C16orf96: variants seen among roughly 807,000 people sequenced by gnomAD.
The protein encoded by C16orf96 is uncharacterized protein C16orf96.
A neutral mutation model predicts 103.6 loss-of-function variants in C16orf96; 108 were observed. The ratio of observed to expected loss-of-function variants is 1.04; its 90% CI spans 0.89 to 1.22. C16orf96 has a LOEUF of 1.22. C16orf96 is among the 50% of genes most tolerant of loss of function. The probability of loss-of-function intolerance (pLI) is 0.00; values close to 1 mark genes in which losing one functional copy is unlikely to be tolerated. For synonymous variants in C16orf96, 566 were observed against 593.5 expected, an observed-to-expected ratio of 0.95 and a Z score of 0.67; for missense variants, 1,586 against 1,464.2, an observed-to-expected ratio of 1.08 and a Z score of -1.36.
At chr16:4,575,137 G>A (rs1171188311) in intron 4 of C16orf96, 37 bp from the exon 5 acceptor site, 3 of 1,545,978 alleles carry the variant, frequency 1.9e-6, no homozygotes, top group Admixed American at 2.0e-5. Context: ...AGGCGGGGCT[G>A]GAAGCCAGCA....
At chr16:4,578,822 A>C in intron 5 of C16orf96, 118 bp from the exon 6 acceptor site, 1 of 568,462 alleles carries the variant, frequency 1.8e-6, no homozygotes, top group Admixed American at 3.1e-5. Context: ...TGCGAGGCCC[A>C]GTGCATTTCC....
intron 7 of C16orf96, among the ~76,000 whole-genome samples, chr16:4,582,513 G>A (rs901921026): frequency 6.6e-6 from 1 of 152,092 alleles, no homozygotes; most frequent in African/African-American, 2.4e-5. Flanking sequence ...ACTCATTAAA[G>A]GGGAACCAAT....
At chr16:4,581,562 G>A (rs1370181008) in intron 7 of C16orf96, among the ~76,000 whole-genome samples, 1 of 151,912 alleles carries the variant, frequency 6.6e-6, no homozygotes, top group Admixed American at 6.6e-5. Context: ...GAACCTGGGA[G>A]GCAGAGCTTG....
At chr16:4,558,566 C>G (rs1345172759) in intron 1 of C16orf96, among the ~76,000 whole-genome samples, 1 of 151,962 alleles carries the variant, frequency 6.6e-6, no homozygotes, top group Non-Finnish European at 1.5e-5. Context: ...GAGTTGTAGT[C>G]ACTCTCCTGA....
intron 8 of C16orf96, among the ~76,000 whole-genome samples, 155 bp from the exon 9 acceptor site, chr16:4,588,012 T>A (rs924451232): frequency 1.3e-5 from 2 of 152,170 alleles, no homozygotes; most frequent in African/African-American, 4.8e-5. Context: ...CGAGATCGTG[T>A]TTGAATCCAC....
chr16:4,549,101 A>G, the C16orf96 span, among the ~76,000 whole-genome samples: 4 of 152,086 alleles, frequency 2.6e-5, no homozygotes, highest in Non-Finnish European at 5.9e-5. Context: ...TGGAGACCCT[A>G]TTAAAAAAAG....
chr16:4,579,999 T>C lies in C16orf96; in HGVS notation c.2242-16T>C. On this transcript the variant is annotated splice_polypyrimidine_tract_variant and intron_variant, in intron 6 of 15. Transcript: ENST00000444310. ...CAGAAGCAGAGGCCTGGGGTGTCTG[T>C]GTCTCCCCCTTTTAGGAGGAAGAAC... is the stretch of plus-strand genomic sequence containing the variant. 1 of 1,539,302 alleles carries C rather than the reference T, an allele frequency of 6.5e-7. No individual in the cohort carries two copies. The highest frequency in any genetic ancestry group is 8.8e-7 in the Non-Finnish European group (1 of 1,135,952).
rs60143866 is a variant in C16orf96, at chr16:4,567,692, C to CTTTTTTT, written c.421-3850_421-3844dup. Among the ~76,000 whole-genome samples, 17 of 44,558 alleles carry CTTTTTTT rather than the reference C, an allele frequency of 3.8e-4. 1 individual carries two copies. Among genetic ancestry groups the CTTTTTTT allele is most frequent in the African/African-American group, 1.2e-3 (14 of 11,600 alleles). The allele number at this position is 44,558 out of a possible 152,430, so 29.2% of individuals were successfully genotyped here. A position where few individuals can be genotyped will look rare whatever the true frequency, so the allele number is the denominator to read the frequency against. ...AATTTTCAATAGTTTCTTCTGTTGC[C>CTTTTTTT]TTTTTTTTTTTTTTTTTTTTTTTTT... is the stretch of plus-strand genomic sequence containing the variant. On this transcript the variant is annotated intron_variant, in intron 1 of 15. Transcript: ENST00000444310.
chr16:4,588,406 C>G (rs1227285094), intron 9 of C16orf96, 75 bp downstream of exon 9: 1 of 1,465,442 alleles, frequency 6.8e-7, no homozygotes, highest in African/African-American at 1.4e-5. Context: ...AAACAACAAA[C>G]GTTTTCAGTT....
chr16:4,583,032 T>C (rs189348179), intron 7 of C16orf96, among the ~76,000 whole-genome samples: 2 of 151,954 alleles, frequency 1.3e-5, no homozygotes, highest in East Asian at 3.9e-4. Flanking sequence ...GGTCAGGAGT[T>C]CAAGACCAAC....
At chr16:4,539,080 G>A in the C16orf96 span, among the ~76,000 whole-genome samples, 3 of 152,162 alleles carry the variant, frequency 2.0e-5, no homozygotes, top group Non-Finnish European at 1.5e-5. Flanking sequence ...ATTGAGTTTG[G>A]GAGGTGCATT....
intron 1 of C16orf96, among the ~76,000 whole-genome samples, chr16:4,558,440 C>T (rs964232990): frequency 6.6e-6 from 1 of 151,940 alleles, no homozygotes; most frequent in Admixed American, 6.6e-5. Context: ...GTAGTGAGAC[C>T]TCATCTCTAT....
Position 4,575,443 on chromosome 16 carries a change from A to G in C16orf96, c.963A>G (p.Thr321=). 1 of 1,549,284 alleles carries G rather than the reference A, an allele frequency of 6.5e-7. No homozygotes were observed. Among genetic ancestry groups the G allele is most frequent in the Non-Finnish European group, 8.7e-7 (1 of 1,146,940 alleles). The change falls in exon 5 of 16, where the codon ACA becomes ACG. Residue 321 remains threonine (T), a synonymous_variant. Transcript: ENST00000444310. ...CGCCTGAGTCTGCACCTGGGTGCAC[A>G]ACTGAATTTGCACCTGGGCCTGCAC... ...ALTPESAPGC[T]TEFAPGPAPG...
At chr16:4,546,065 A>G in the C16orf96 span, among the ~76,000 whole-genome samples, 2,465 of 150,536 alleles carry the variant, frequency 0.016, 70 homozygotes, top group African/African-American at 0.056. Context: ...GGCCAGGCTG[A>G]TCTCGAACTC....
chr16:4,588,449 A>C (rs1272748044), intron 9 of C16orf96, 118 bp downstream of exon 9: 2 of 1,179,154 alleles, frequency 1.7e-6, no homozygotes, highest in South Asian at 3.2e-5. Context: ...GTGACCCAGC[A>C]ACTTAGCTGG....
intron 1 of C16orf96, chr16:4,562,808 A>G: frequency 1.6e-6 from 2 of 1,279,586 alleles, no homozygotes; most frequent in Non-Finnish European, 2.2e-6. Flanking sequence ...TATGGCTCGA[A>G]TTTTACAGGT....
At chr16:4,561,541 C>A (rs2141694903) in intron 1 of C16orf96, 1 of 152,216 alleles carries the variant, frequency 6.6e-6, no homozygotes, top group East Asian at 1.9e-4. Flanking sequence ...TGGATGAAGG[C>A]TTCTAAAAAG....
the C16orf96 span, among the ~76,000 whole-genome samples, chr16:4,550,756 C>T: frequency 6.6e-6 from 1 of 152,196 alleles, no homozygotes; most frequent in Admixed American, 6.5e-5. Context: ...CTGCTCACTG[C>T]CCAAGCTGCT....
chr16:4,586,932 C>G (rs568439169), intron 7 of C16orf96, 107 bp from the exon 8 acceptor site: 1 of 1,008,558 alleles, frequency 9.9e-7, no homozygotes, highest in Non-Finnish European at 1.5e-6. Flanking sequence ...GCTGTCCACA[C>G]GGCCTGCTAT....
Sources: gnomAD v4.1 joint callset for allele counts (sites outside exome capture counted in the v4.1 genomes callset) on GRCh38, gnomAD v4.1.1 for gene constraint, MANE v1.5 for transcripts, NCBI Gene and HGNC (gene_info 2026-07-23, HGNC 2026-07-21) for gene names.